Variants in CAMKMT observed in about 807,000 individuals in gnomAD.
CAMKMT encodes the protein CaM KMT.
In CAMKMT, 53 loss-of-function variants were observed where a neutral mutation model predicts 48.0. That is an observed-to-expected ratio of 1.10 (90% CI 0.89 to 1.39). The LOEUF (loss-of-function observed/expected upper bound fraction) is 1.39, where lower values mean the gene tolerates loss of function less well. Ranked by LOEUF, CAMKMT falls within the 40% of genes most tolerant of loss-of-function variation. The pLI, the probability that CAMKMT is intolerant of heterozygous loss-of-function variation, is 0.00. For missense variants in CAMKMT, 428 were observed against 402.7 expected, an observed-to-expected ratio of 1.06 and a Z score of -0.54; for synonymous variants, 165 against 152.3, an observed-to-expected ratio of 1.08 and a Z score of -0.61.
chr2:44,590,850 A>T (rs556638252), intron 3 of CAMKMT, among the ~76,000 whole-genome samples: 324 of 151,490 alleles, frequency 2.1e-3, no homozygotes, highest in Non-Finnish European at 2.1e-3. Flanking sequence ...CTGAATGGTA[A>T]TGCCTAGGTT....
chr2:44,537,775 C>T (rs975606149), intron 3 of CAMKMT, among the ~76,000 whole-genome samples: 1 of 152,176 alleles, frequency 6.6e-6, no homozygotes, highest in Non-Finnish European at 1.5e-5. Flanking sequence ...GTTGTCCTGG[C>T]TGTTCTTGAA....
chr2:44,631,421 A>T (rs970574335), intron 3 of CAMKMT: 5 of 553,004 alleles, frequency 9.0e-6, no homozygotes, highest in South Asian at 2.5e-5. Context: ...ATAATAATAA[A>T]AAAGAAAGGA....
intron 3 of CAMKMT, among the ~76,000 whole-genome samples, chr2:44,558,795 A>G (rs544733870): frequency 5.3e-5 from 8 of 152,162 alleles, no homozygotes; most frequent in Non-Finnish European, 1.2e-4. Flanking sequence ...GGGATGTGGA[A>G]GAGAGGTGAG....
At chr2:44,537,809 T>C (rs1427162658) in intron 3 of CAMKMT, among the ~76,000 whole-genome samples, 1 of 152,192 alleles carries the variant, frequency 6.6e-6, no homozygotes, top group African/African-American at 2.4e-5. Flanking sequence ...GTGATTCTCC[T>C]GCCTTGGTCT....
intron 3 of CAMKMT, among the ~76,000 whole-genome samples, chr2:44,596,738 C>A (rs1670693487): frequency 1.3e-5 from 2 of 152,188 alleles, no homozygotes; most frequent in Admixed American, 1.3e-4. Context: ...CACAGACCTA[C>A]ACCAGTGAAC....
chr2:44,419,238 T>C (rs1227940722), intron 3 of CAMKMT, among the ~76,000 whole-genome samples: 2 of 152,172 alleles, frequency 1.3e-5, no homozygotes, highest in Non-Finnish European at 2.9e-5. Flanking sequence ...TTAGATGAGA[T>C]TTGAAATGTG....
At chr2:44,668,007 C>T (rs956504231) in intron 3 of CAMKMT, among the ~76,000 whole-genome samples, 5 of 152,206 alleles carry the variant, frequency 3.3e-5, no homozygotes, top group Non-Finnish European at 5.9e-5. Flanking sequence ...CTGAGCCTGT[C>T]CCTGAGCAGC....
intron 3 of CAMKMT, among the ~76,000 whole-genome samples, chr2:44,499,481 AT>A (rs1458293377): frequency 3.3e-5 from 5 of 152,360 alleles, no homozygotes; most frequent in Admixed American, 3.3e-4. Context: ...TGTGAAGGAC[AT>A]ACTAAAACAT....
At chr2:44,565,264 A>G (rs913373007) in intron 3 of CAMKMT, among the ~76,000 whole-genome samples, 1 of 152,170 alleles carries the variant, frequency 6.6e-6, no homozygotes, top group Non-Finnish European at 1.5e-5. Context: ...TGCTCAGAAA[A>G]AGAAATAAAC....
At chr2:44,422,986 A>C (rs919050170) in intron 3 of CAMKMT, among the ~76,000 whole-genome samples, 4 of 152,136 alleles carry the variant, frequency 2.6e-5, no homozygotes, top group Admixed American at 1.3e-4. Flanking sequence ...CTTCAGTCTC[A>C]GATTTTCTTT....
intron 3 of CAMKMT, among the ~76,000 whole-genome samples, chr2:44,608,499 G>A (rs7568327): frequency 0.64 from 96,894 of 151,566 alleles, 31,430 homozygotes; most frequent in Middle Eastern, 0.71. Context: ...AGGTATTATC[G>A]TATCCATCAT....
chr2:44,481,047 G>A (rs886816936), intron 3 of CAMKMT, among the ~76,000 whole-genome samples: 1 of 151,840 alleles, frequency 6.6e-6, no homozygotes, highest in African/African-American at 2.4e-5. Flanking sequence ...TTATTCAATA[G>A]TATGTTCAGA....
At chr2:44,605,422 A>G (rs567389193) in intron 3 of CAMKMT, among the ~76,000 whole-genome samples, 19 of 152,262 alleles carry the variant, frequency 1.2e-4, no homozygotes, top group African/African-American at 4.3e-4. Flanking sequence ...CAAGTTATCT[A>G]CAATCAAAAT....
intron 5 of CAMKMT, 37 bp downstream of exon 5, chr2:44,706,378 A>G (rs1319135389): frequency 6.2e-7 from 1 of 1,604,366 alleles, no homozygotes; most frequent in South Asian, 1.1e-5. Context: ...ATTCAGAGGG[A>G]GGAACAAAAG....
chr2:44,450,827 G>C (rs1667251107), intron 3 of CAMKMT, among the ~76,000 whole-genome samples: 1 of 151,962 alleles, frequency 6.6e-6, no homozygotes, highest in Non-Finnish European at 1.5e-5. Flanking sequence ...TTTAAAAATT[G>C]ATTTAATAGT....
intron 10 of CAMKMT, among the ~76,000 whole-genome samples, chr2:44,769,441 T>C (rs1233187162): frequency 6.6e-6 from 1 of 152,110 alleles, no homozygotes; most frequent in Non-Finnish European, 1.5e-5. Context: ...AACACTTCCC[T>C]CTCCTCCCCA....
At chr2:44,683,595 C>T (rs193097679) in intron 3 of CAMKMT, among the ~76,000 whole-genome samples, 29 of 152,016 alleles carry the variant, frequency 1.9e-4, no homozygotes, top group East Asian at 9.7e-4. Flanking sequence ...CCGAGGCGGG[C>T]GGATCGCAAG....
chr2:44,456,434 T>G, intron 3 of CAMKMT: 1 of 1,160,578 alleles, frequency 8.6e-7, no homozygotes, highest in Non-Finnish European at 1.2e-6. Context: ...TTAGCCCTCT[T>G]ACCCTCTATT....
intron 2 of CAMKMT, among the ~76,000 whole-genome samples, chr2:44,377,670 G>A (rs763360557): frequency 2.0e-5 from 3 of 152,140 alleles, no homozygotes; most frequent in Non-Finnish European, 4.4e-5. Context: ...TTCTTTGTTT[G>A]AAGAAGACTA....
Sources: allele counts gnomAD v4.1 joint callset (sites outside exome capture counted in the v4.1 genomes callset), GRCh38; gene constraint gnomAD v4.1.1; transcripts MANE v1.5; gene names NCBI Gene and HGNC (gene_info 2026-07-23, HGNC 2026-07-21).